PLEKHA1: variants seen among roughly 807,000 people sequenced by gnomAD.
PLEKHA1 encodes pleckstrin homology domain containing A1.
A neutral mutation model predicts 52.0 loss-of-function variants in PLEKHA1; 34 were observed. The ratio of observed to expected loss-of-function variants is 0.65; its 90% confidence interval spans 0.50 to 0.87. PLEKHA1 has a LOEUF of 0.87. Among genes scored for constraint, PLEKHA1 ranks in the 40% least tolerant of loss-of-function variants. PLEKHA1 has a pLI of 0.00. For synonymous variants in PLEKHA1, 163 were observed against 170.7 expected, an observed-to-expected ratio of 0.95 and a Z score of 0.35; for missense variants, 497 against 504.2, an observed-to-expected ratio of 0.99 and a Z score of 0.14.
chr10:122,425,387 T>C (rs1039422946), intron 10 of PLEKHA1: 5 of 152,924 alleles, frequency 3.3e-5, no homozygotes, highest in African/African-American at 1.2e-4. Context: ...ATTGTACTTT[T>C]TGCATACTTC....
chr10:122,417,391 G>A (rs577184303), intron 7 of PLEKHA1, among the ~76,000 whole-genome samples: 24 of 152,078 alleles, frequency 1.6e-4, no homozygotes, highest in African/African-American at 5.5e-4. Context: ...GCTCACGCCT[G>A]TAATCCCAGC....
intron 10 of PLEKHA1, among the ~76,000 whole-genome samples, chr10:122,426,090 A>C (rs539719492): frequency 1.3e-5 from 2 of 152,296 alleles, no homozygotes; most frequent in South Asian, 4.1e-4. Flanking sequence ...TACTCTGTTC[A>C]TGTGCATAGT....
chr10:122,391,386 G>A (rs1027418255), intron 1 of PLEKHA1, among the ~76,000 whole-genome samples: 1 of 152,092 alleles, frequency 6.6e-6, no homozygotes, highest in Non-Finnish European at 1.5e-5. Flanking sequence ...ATTTTCTTCT[G>A]AAAGTTTTCT....
At chr10:122,378,509 G>A (rs1442114634) in intron 1 of PLEKHA1, among the ~76,000 whole-genome samples, 1 of 152,054 alleles carries the variant, frequency 6.6e-6, no homozygotes, top group Admixed American at 6.5e-5. Flanking sequence ...GCCGAGGTGG[G>A]AGGATAGCTT....
intron 1 of PLEKHA1, chr10:122,387,432 A>G (rs1005783614): frequency 1.1e-4 from 16 of 152,194 alleles, no homozygotes; most frequent in African/African-American, 3.9e-4. Flanking sequence ...TAATTTTCAA[A>G]TAGCTATTCA....
chr10:122,403,883 G>C (rs1325247651), intron 4 of PLEKHA1, among the ~76,000 whole-genome samples: 1 of 152,066 alleles, frequency 6.6e-6, no homozygotes, highest in Non-Finnish European at 1.5e-5. Context: ...GTAGAGACAG[G>C]GTTTCACCAT....
intron 5 of PLEKHA1, among the ~76,000 whole-genome samples, chr10:122,408,964 G>T (rs536943227): frequency 5.3e-5 from 8 of 152,082 alleles, no homozygotes; most frequent in Non-Finnish European, 1.2e-4. Flanking sequence ...TTAAAATTTT[G>T]GAAATCCAAA....
At chr10:122,432,946 A>G (rs2097425202), downstream of PLEKHA1, 1 of 152,206 alleles carries the variant, frequency 6.6e-6, no homozygotes, top group Non-Finnish European at 1.5e-5. Flanking sequence ...CATTAGAGAA[A>G]AGTGTATACC....
At chr10:122,416,695 T>C (rs1276301267) in intron 7 of PLEKHA1, among the ~76,000 whole-genome samples, 2 of 152,192 alleles carry the variant, frequency 1.3e-5, no homozygotes, top group African/African-American at 4.8e-5. Context: ...CAACATACCT[T>C]AGTATCTAAG....
At chr10:122,378,555 A>G (rs1362948494) in intron 1 of PLEKHA1, among the ~76,000 whole-genome samples, 4 of 151,934 alleles carry the variant, frequency 2.6e-5, no homozygotes, top group African/African-American at 9.7e-5. Flanking sequence ...GGGCAACATG[A>G]CGAAACCTTG....
Position 122,415,728 on chromosome 10 carries a change from A to G in PLEKHA1, c.469-131A>G, listed in dbSNP as rs534321333. The G allele has an allele frequency of 1.7e-5, 15 of 864,054 alleles. No homozygotes were observed. In the East Asian group the frequency reaches 4.1e-4, roughly 23 times the overall value. 53.5% of individuals were successfully genotyped at this position (864,054 alleles called of 1,614,324 possible). ...AATTAAGAGTAAGTATCTCAGATTAATTAGAAAACTCTTCAAAAATCTGTT... is the reference window on the plus strand; with the variant it reads ...AATTAAGAGTAAGTATCTCAGATTAGTTAGAAAACTCTTCAAAAATCTGTT... On this transcript the variant is annotated intron_variant, in intron 6 of 11. Transcript: ENST00000368990.
intron 1 of PLEKHA1, among the ~76,000 whole-genome samples, chr10:122,392,017 T>C (rs1450970928): frequency 2.0e-5 from 3 of 152,168 alleles, no homozygotes; most frequent in Non-Finnish European, 4.4e-5. Flanking sequence ...AAAGATGTGA[T>C]GGTGCCAGCT....
rs1161342729 is a variant in PLEKHA1 at position 122,391,639 on chromosome 10, C to T, written c.-20-1542C>T. On this transcript the variant is annotated intron_variant, in intron 1 of 11. Transcript: ENST00000368990. ...TATTTCTGTGCTCTTAATTCTTTTC[C>T]ACTGATCTATGTCTATTCTCATGGC... 4.6e-5 allele frequency among the ~76,000 whole-genome samples: 7 copies of T among 151,998 alleles called. No individual in the cohort carries two copies. In the East Asian group the frequency reaches 1.3e-3, roughly 29 times the overall value.
chr10:122,388,382 C>T (rs552542451), intron 1 of PLEKHA1, among the ~76,000 whole-genome samples: 11 of 151,988 alleles, frequency 7.2e-5, no homozygotes, highest in African/African-American at 1.2e-4. Flanking sequence ...ATGCATATAC[C>T]ACATTTCATT....
intron 2 of PLEKHA1, among the ~76,000 whole-genome samples, chr10:122,396,633 C>T (rs901626955): frequency 2.0e-5 from 3 of 152,068 alleles, no homozygotes; most frequent in African/African-American, 7.2e-5. Context: ...ACCTCCTAAT[C>T]ATTCATTAGA....
At chr10:122,409,913 C>T (rs1402657941) in intron 5 of PLEKHA1, among the ~76,000 whole-genome samples, 1 of 151,980 alleles carries the variant, frequency 6.6e-6, no homozygotes, top group African/African-American at 2.4e-5. Context: ...TCCTAAGTAG[C>T]TGGGATTACA....
chr10:122,429,916 G>A lies in PLEKHA1; in HGVS notation c.1193G>A (p.Ser398Asn), dbSNP rs2097401982. The change falls in exon 12 of 12, where the codon AGC (serine) becomes AAC (asparagine). Residue 398 changes from serine to asparagine, a missense_variant. Transcript: ENST00000368990. ...DCDLVDLDDA[S>N]LPVSDV ...GACCTAGTAGACTTGGACGATGCGA[G>A]CCTTCCGGTCAGTGACGTGTGAGGC... The A allele has an allele frequency of 1.2e-6, 2 of 1,613,518 alleles. No individual in the cohort carries two copies. The highest frequency in any genetic ancestry group is 2.7e-5 in the African/African-American group (2 of 74,896).
intron 3 of PLEKHA1, among the ~76,000 whole-genome samples, chr10:122,399,985 A>T (rs192993979): frequency 6.6e-6 from 1 of 152,320 alleles, no homozygotes. Flanking sequence ...GGAAGAATGC[A>T]TAGTTCTTGT....
intron 2 of PLEKHA1, among the ~76,000 whole-genome samples, chr10:122,396,886 A>G (rs1456296427): frequency 6.6e-6 from 1 of 152,060 alleles, no homozygotes; most frequent in Non-Finnish European, 1.5e-5. Context: ...TTCCTCTTCT[A>G]TAATCCCTTC....
Sources: gnomAD v4.1 joint callset for allele counts (sites outside exome capture counted in the v4.1 genomes callset) on GRCh38, gnomAD v4.1.1 for gene constraint, MANE v1.5 for transcripts, NCBI Gene and HGNC (gene_info 2026-07-23, HGNC 2026-07-21) for gene names.